KATNAL1: variants seen among roughly 807,000 people sequenced by gnomAD.
KATNAL1 encodes katanin catalytic subunit A1 like 1.
In KATNAL1, 32 loss-of-function variants were observed where a neutral mutation model predicts 55.2. That is an observed-to-expected ratio of 0.58 (90% CI 0.44 to 0.78). The LOEUF is 0.78. Among genes scored for constraint, KATNAL1 ranks in the 30% least tolerant of loss-of-function variants. The pLI is 0.00. For missense variants in KATNAL1, 466 were observed against 600.9 expected, an observed-to-expected ratio of 0.78 and a Z score of 2.35; for synonymous variants, 193 against 193.6, an observed-to-expected ratio of 1.00 and a Z score of 0.02.
intron 9 of KATNAL1, among the ~76,000 whole-genome samples, chr13:30,212,159 T>C (rs1434639905): frequency 6.8e-6 from 1 of 147,652 alleles, no homozygotes; most frequent in Non-Finnish European, 1.5e-5. Flanking sequence ...TCAAGACATA[T>C]ATTCAAAAAA....
chr13:30,208,444 C>A lies in KATNAL1; in HGVS notation c.*96G>T, dbSNP rs918551411. 4 of 1,022,154 alleles carry A rather than the reference C, an allele frequency of 3.9e-6. No individual in the cohort carries two copies. The highest frequency in any genetic ancestry group is 3.8e-5 in the South Asian group (2 of 53,128). The allele number at this position is 1,022,154 out of a possible 1,614,324, so 63.3% of individuals were successfully genotyped here. On this transcript the variant is annotated 3_prime_UTR_variant, in exon 11 of 11. Transcript: ENST00000380615. ...TTTTTCCTTTAAGCGAAAACCACTC[C>A]ACTGAAAAAAATTCCAAACTTGTTT...
intron 10 of KATNAL1, among the ~76,000 whole-genome samples, chr13:30,209,766 G>A (rs986301265): frequency 3.9e-5 from 6 of 152,156 alleles, no homozygotes; most frequent in African/African-American, 1.2e-4. Context: ...TTATTATCGA[G>A]TTAGACACAA....
chr13:30,293,546 C>A (rs1202742228), intron 1 of KATNAL1, among the ~76,000 whole-genome samples: 2 of 152,174 alleles, frequency 1.3e-5, no homozygotes, highest in Non-Finnish European at 2.9e-5. Context: ...AATTTTCATA[C>A]AATTAATTCC....
chr13:30,254,505 T>C (rs563104985), intron 4 of KATNAL1, among the ~76,000 whole-genome samples: 2 of 152,202 alleles, frequency 1.3e-5, no homozygotes, highest in Admixed American at 1.3e-4. Flanking sequence ...TTTTATTCTA[T>C]CTTGGTCTAT....
chr13:30,296,857 C>T (rs887744495), intron 1 of KATNAL1: 1 of 364,680 alleles, frequency 2.7e-6, no homozygotes, highest in South Asian at 2.2e-5. Context: ...CTCCAAACAC[C>T]ACAGTCTGGG....
At chr13:30,270,926 A>AT (rs1345309905) in intron 3 of KATNAL1, among the ~76,000 whole-genome samples, 1 of 151,022 alleles carries the variant, frequency 6.6e-6, no homozygotes, top group African/African-American at 2.5e-5. Flanking sequence ...AAATAATAAA[A>AT]TAAAAAAAAA....
intron 4 of KATNAL1, among the ~76,000 whole-genome samples, chr13:30,253,534 G>A (rs563773517): frequency 2.6e-5 from 4 of 152,034 alleles, no homozygotes; most frequent in East Asian, 1.9e-4. Context: ...GCATGGTAGC[G>A]GGTGCCTGTA....
Position 30,280,097 on chromosome 13 carries a change from C to T in KATNAL1, c.289G>A (p.Ala97Thr), listed in dbSNP as rs988994475. 1 of 1,612,516 alleles carries T rather than the reference C, an allele frequency of 6.2e-7. No individual in the cohort carries two copies. Among genetic ancestry groups the T allele is most frequent in the Admixed American group, 1.7e-5 (1 of 59,592 alleles). ...GCAGGAACAGGGGGTGGCCAAACAG[C>T]AGGATCTCTAAATGGTTCATCTTGA... ...SCQDEPFRDPAVWPPPVPAEH... is the reference protein window; with the variant it reads ...SCQDEPFRDPTVWPPPVPAEH... Residue 97 changes from alanine (A) to threonine (T), a missense_variant, in exon 3 of 11, where the codon GCT becomes ACT. Coordinates refer to ENST00000380615, the MANE Select transcript of KATNAL1 (RefSeq NM_032116.5).
chr13:30,253,780 G>T (rs1215858497), intron 4 of KATNAL1, among the ~76,000 whole-genome samples: 5 of 151,900 alleles, frequency 3.3e-5, no homozygotes, highest in Non-Finnish European at 7.4e-5. Flanking sequence ...ATCTCTTTTG[G>T]TAAATCCAAT....
At chr13:30,307,104 C>T (rs1405112301) in intron 1 of KATNAL1, 1 of 152,204 alleles carries the variant, frequency 6.6e-6, no homozygotes, top group African/African-American at 2.4e-5. Context: ...CCGAGCTACC[C>T]CACCAAGACC....
intron 1 of KATNAL1, among the ~76,000 whole-genome samples, chr13:30,300,364 C>A (rs1317079811): frequency 2.0e-5 from 3 of 152,098 alleles, no homozygotes; most frequent in Non-Finnish European, 4.4e-5. Context: ...AAAGTAGATG[C>A]CTATTTCAGA....
chr13:30,290,968 A>G (rs768740136), intron 1 of KATNAL1, among the ~76,000 whole-genome samples: 5 of 152,242 alleles, frequency 3.3e-5, no homozygotes, highest in Non-Finnish European at 5.9e-5. Flanking sequence ...CGAGTAATGG[A>G]CATCTATGAA....
In KATNAL1 at chr13:30,210,312, A is replaced by C; in HGVS notation, c.1274+4T>G. 1 of 1,581,046 alleles carries C rather than the reference A, an allele frequency of 6.3e-7. No homozygotes were observed. The highest frequency in any genetic ancestry group is 8.6e-7 in the Non-Finnish European group (1 of 1,168,602). Reference sequence around the variant, plus strand: ...TCTAAAATCACAGATCATTAAAAAAATACCTGCAAACATTAGTGATGTCAG... The same window carrying C: ...TCTAAAATCACAGATCATTAAAAAACTACCTGCAAACATTAGTGATGTCAG... On this transcript the variant is annotated splice_donor_region_variant and intron_variant, in intron 10 of 10. Coordinates refer to ENST00000380615, the MANE Select transcript of KATNAL1 (RefSeq NM_032116.5).
chr13:30,290,369 G>A (rs565887544), intron 1 of KATNAL1, among the ~76,000 whole-genome samples: 1 of 150,960 alleles, frequency 6.6e-6, no homozygotes, highest in Non-Finnish European at 1.5e-5. Context: ...ATGAAGGAGG[G>A]CTATCACTAC....
chr13:30,242,372 T>C (rs1877362876), intron 4 of KATNAL1, among the ~76,000 whole-genome samples: 1 of 152,150 alleles, frequency 6.6e-6, no homozygotes, highest in South Asian at 2.1e-4. Flanking sequence ...AATAGGAGTA[T>C]CATAGGATTT....
intron 3 of KATNAL1, among the ~76,000 whole-genome samples, chr13:30,277,685 G>A (rs1031709900): frequency 1.3e-5 from 2 of 152,026 alleles, no homozygotes; most frequent in African/African-American, 4.8e-5. Flanking sequence ...CCACAAACCA[G>A]CATAAGATTT....
chr13:30,214,319 A>C (rs1873991531), intron 9 of KATNAL1, among the ~76,000 whole-genome samples: 1 of 152,216 alleles, frequency 6.6e-6, no homozygotes, highest in Non-Finnish European at 1.5e-5. Context: ...GGTAGGAAGA[A>C]TCAATATCGT....
chr13:30,301,523 T>C (rs915877638), intron 1 of KATNAL1, among the ~76,000 whole-genome samples: 1 of 152,170 alleles, frequency 6.6e-6, no homozygotes, highest in East Asian at 1.9e-4. Flanking sequence ...ATCTAATCCT[T>C]ATAACACTAC....
chr13:30,229,628 G>C (rs903881317), intron 8 of KATNAL1, among the ~76,000 whole-genome samples: 4 of 152,136 alleles, frequency 2.6e-5, no homozygotes, highest in African/African-American at 7.2e-5. Flanking sequence ...TGAGGCAGGA[G>C]GATTGCTTGA....
Sources: gnomAD v4.1 joint callset for allele counts (sites outside exome capture counted in the v4.1 genomes callset) on GRCh38, gnomAD v4.1.1 for gene constraint, MANE v1.5 for transcripts, NCBI Gene and HGNC (gene_info 2026-07-23, HGNC 2026-07-21) for gene names.